UNC79: variants seen among roughly 807,000 people sequenced by gnomAD.
The protein encoded by UNC79 is protein unc-79 homolog.
In UNC79, 37 loss-of-function variants were observed where a neutral mutation model predicts 283.1. The observed-to-expected ratio is 0.13, with a 90% CI of 0.10 to 0.17. The LOEUF is 0.17. Among genes scored for constraint, UNC79 ranks in the 10% least tolerant of loss-of-function variants. UNC79 has a pLI of 1.00. For missense variants in UNC79, 2,272 were observed against 3,211.1 expected, an observed-to-expected ratio of 0.71 and a Z score of 7.07; for synonymous variants, 1,107 against 1,200.2, an observed-to-expected ratio of 0.92 and a Z score of 1.61.
intron 34 of UNC79, among the ~76,000 whole-genome samples, chr14:93,645,345 C>G (rs1255700496): frequency 6.6e-6 from 1 of 152,142 alleles, no homozygotes; most frequent in South Asian, 2.1e-4. Context: ...TATTTACATA[C>G]ACATATATTT....
chr14:93,550,063 AC>A (rs1334050728), intron 14 of UNC79, among the ~76,000 whole-genome samples: 1 of 152,220 alleles, frequency 6.6e-6, no homozygotes, highest in Non-Finnish European at 1.5e-5. Context: ...CTTCAGAGAA[AC>A]GGGGTCAGTG....
At chr14:93,566,811 A>T (rs538375468) in intron 14 of UNC79, among the ~76,000 whole-genome samples, 21 of 151,768 alleles carry the variant, frequency 1.4e-4, no homozygotes, top group Middle Eastern at 3.4e-3. Flanking sequence ...TAGAGATGGT[A>T]TTTCACCATG....
intron 27 of UNC79, 58 bp downstream of exon 28, chr14:93,613,141 C>G: frequency 6.3e-7 from 1 of 1,589,728 alleles, no homozygotes; most frequent in Non-Finnish European, 8.6e-7. Flanking sequence ...AGAAGCAAGG[C>G]ATTACATACC....
chr14:93,663,042 C>A (rs1016753212), intron 40 of UNC79, among the ~76,000 whole-genome samples: 4 of 152,196 alleles, frequency 2.6e-5, no homozygotes, highest in African/African-American at 9.7e-5. Flanking sequence ...TCAAGTTCAT[C>A]ATCCCATGAT....
intron 1 of UNC79, chr14:93,347,140 AGGGCAGAGCGCCCCCTC>A: frequency 9.2e-7 from 1 of 1,090,362 alleles, no homozygotes; most frequent in Non-Finnish European, 1.3e-6. Context: ...GTAGGGGGCG[AGGGCAGAGCGCCCCCTC>A]GTGGCTGGGG....
At chr14:93,480,483 T>A (rs370880162) in intron 4 of UNC79, among the ~76,000 whole-genome samples, 16 of 152,336 alleles carry the variant, frequency 1.1e-4, no homozygotes, top group Admixed American at 4.6e-4. Flanking sequence ...GGTTTTAGTC[T>A]TTTGGCTTTG....
chr14:93,487,692 G>A (rs766482830), exon 5 of UNC79: 2 of 1,613,932 alleles, frequency 1.2e-6, no homozygotes, highest in Admixed American at 1.7e-5. Context: ...AGGTGTACCT[G>A]CCCATGTTAA....
chr14:93,622,726 T>A, exon 30 of UNC79: 7 of 1,614,132 alleles, frequency 4.3e-6, no homozygotes, highest in Non-Finnish European at 5.9e-6. Flanking sequence ...AATTTAAGAT[T>A]CAGATTGTTC....
At chr14:93,423,883 G>T (rs1427106118) in intron 1 of UNC79, among the ~76,000 whole-genome samples, 2 of 152,088 alleles carry the variant, frequency 1.3e-5, no homozygotes, top group African/African-American at 4.8e-5. Context: ...CAAGTTAAAA[G>T]GCTTCTGCAC....
intron 4 of UNC79, among the ~76,000 whole-genome samples, chr14:93,482,091 G>A (rs773159814): frequency 2.0e-5 from 3 of 152,170 alleles, no homozygotes; most frequent in Non-Finnish European, 2.9e-5. Flanking sequence ...TATTATGCAC[G>A]TGTATATCAG....
intron 1 of UNC79, among the ~76,000 whole-genome samples, chr14:93,367,908 A>G (rs1189369966): frequency 6.6e-6 from 1 of 152,260 alleles, no homozygotes; most frequent in East Asian, 1.9e-4. Context: ...TGGACACAAT[A>G]GCTGCATGAT....
intron 1 of UNC79, among the ~76,000 whole-genome samples, chr14:93,450,801 A>C (rs180747095): frequency 6.6e-6 from 1 of 152,270 alleles, no homozygotes; most frequent in African/African-American, 2.4e-5. Flanking sequence ...GGCTCTTTTA[A>C]TCCGCCATTA....
At chr14:93,337,307 A>C (rs1025532049) in intron 1 of UNC79, among the ~76,000 whole-genome samples, 1 of 152,206 alleles carries the variant, frequency 6.6e-6, no homozygotes, top group Non-Finnish European at 1.5e-5. Context: ...TGCCCAAAAA[A>C]GCTCTTCTTA....
At chr14:93,483,409 T>A (rs1215696515) in intron 4 of UNC79, among the ~76,000 whole-genome samples, 2 of 152,132 alleles carry the variant, frequency 1.3e-5, no homozygotes, top group Non-Finnish European at 2.9e-5. Context: ...ATGGAATTTT[T>A]AATATTATTT....
chr14:93,461,228 G>T (rs2056952376), intron 1 of UNC79, among the ~76,000 whole-genome samples: 1 of 152,110 alleles, frequency 6.6e-6, no homozygotes, highest in South Asian at 2.1e-4. Context: ...TGATAATGAG[G>T]ATTGCTAATT....
At chr14:93,670,774 G>A (rs929287287) in intron 40 of UNC79, among the ~76,000 whole-genome samples, 1 of 152,146 alleles carries the variant, frequency 6.6e-6, no homozygotes, top group Non-Finnish European at 1.5e-5. Context: ...ATTGTGCCTT[G>A]GTCTTTCAGA....
intron 41 of UNC79, among the ~76,000 whole-genome samples, chr14:93,677,427 A>T (rs894759846): frequency 6.6e-6 from 1 of 152,228 alleles, no homozygotes; most frequent in African/African-American, 2.4e-5. Flanking sequence ...GGCAGCAGGC[A>T]AAAGAGCTTG....
exon 38 of UNC79, chr14:93,655,270 G>A (rs1328605553): frequency 1.2e-6 from 2 of 1,614,118 alleles, no homozygotes; most frequent in Admixed American, 3.3e-5. Context: ...AGCAGGGGGT[G>A]CTATGATTCG....
chr14:93,678,620 G>A (rs1022748693), intron 41 of UNC79, among the ~76,000 whole-genome samples: 3 of 152,212 alleles, frequency 2.0e-5, no homozygotes, highest in African/African-American at 7.2e-5. Context: ...GACAGTAACT[G>A]GTACCAATCT....
Sources: allele counts gnomAD v4.1 joint callset (sites outside exome capture counted in the v4.1 genomes callset), GRCh38; gene constraint gnomAD v4.1.1; transcripts MANE v1.5; gene names NCBI Gene and HGNC (gene_info 2026-07-23, HGNC 2026-07-21).